PADI1: variants seen among roughly 807,000 people sequenced by gnomAD.
The protein encoded by PADI1 is protein-arginine deiminase type-1.
A neutral mutation model predicts 74.8 loss-of-function variants in PADI1; 65 were observed. That is an observed-to-expected ratio of 0.87 (90% CI 0.71 to 1.07). PADI1 has a LOEUF of 1.07. Ranked by LOEUF, PADI1 falls within the 50% of genes least tolerant of loss-of-function variation. The pLI is 0.00. For synonymous variants in PADI1, 371 were observed against 336.2 expected (o/e 1.10, Z -1.13); for missense variants, 943 against 854.0 (o/e 1.10, Z -1.30).
At chr1:17,214,899 T>C (rs2071933184) in intron 1 of PADI1, among the ~76,000 whole-genome samples, 1 of 152,244 alleles carries the variant, frequency 6.6e-6, no homozygotes, top group African/African-American at 2.4e-5. Context: ...TCACCCGGCA[T>C]AACCTGCCTT....
At chr1:17,237,016 G>C (rs548966352) in intron 11 of PADI1, among the ~76,000 whole-genome samples, 1 of 152,300 alleles carries the variant, frequency 6.6e-6, no homozygotes, top group South Asian at 2.1e-4. Flanking sequence ...GAGCTTGGCC[G>C]AGCACGCTTC....
At chr1:17,228,115 C>T (rs557729318) in intron 6 of PADI1, among the ~76,000 whole-genome samples, 3 of 152,106 alleles carry the variant, frequency 2.0e-5, no homozygotes, top group South Asian at 2.1e-4. Context: ...CTCAGCCTCC[C>T]GAGTAGCTGG....
At chr1:17,230,244 T>C (rs113806954) in intron 9 of PADI1, 36 bp downstream of exon 9, 3 of 1,600,008 alleles carry the variant, frequency 1.9e-6, no homozygotes, top group Non-Finnish European at 2.6e-6. Flanking sequence ...GCCTGCAGCC[T>C]GGCTTGGGGA....
At chr1:17,215,532 C>T (rs2071953733) in intron 1 of PADI1, among the ~76,000 whole-genome samples, 1 of 152,048 alleles carries the variant, frequency 6.6e-6, no homozygotes, top group Non-Finnish European at 1.5e-5. Context: ...TGTCTGGCAC[C>T]GGTGGTCCCT....
chr1:17,208,524 C>A (rs1458085052), intron 1 of PADI1, among the ~76,000 whole-genome samples: 5 of 47,332 alleles, frequency 1.1e-4, no homozygotes, highest in East Asian at 4.0e-4. Context: ...CCTTTCCACC[C>A]CCCACCCCAG....
intron 14 of PADI1, 22 bp from the exon 15 acceptor site, chr1:17,240,613 G>T: frequency 6.2e-7 from 1 of 1,612,628 alleles, no homozygotes; most frequent in Non-Finnish European, 8.5e-7. Context: ...GTCCTGGGCT[G>T]CCCAGCTGCC....
At chr1:17,209,272 C>G (rs2071771429) in intron 1 of PADI1, among the ~76,000 whole-genome samples, 1 of 152,176 alleles carries the variant, frequency 6.6e-6, no homozygotes, top group Non-Finnish European at 1.5e-5. Flanking sequence ...TGGACACATT[C>G]TCTGCTCCGT....
intron 1 of PADI1, among the ~76,000 whole-genome samples, chr1:17,216,681 G>A (rs754338723): frequency 8.5e-5 from 13 of 152,140 alleles, no homozygotes; most frequent in East Asian, 3.9e-4. Flanking sequence ...GACCAGCCTG[G>A]CCAACATGGC....
intron 9 of PADI1, 113 bp from the exon 10 acceptor site, chr1:17,230,459 A>G: frequency 1.3e-6 from 1 of 768,856 alleles, no homozygotes; most frequent in Non-Finnish European, 2.1e-6. Context: ...GCCCCTCACC[A>G]GGTCTTAGGG....
At chr1:17,215,029 T>C (rs2071937660) in intron 1 of PADI1, among the ~76,000 whole-genome samples, 1 of 152,244 alleles carries the variant, frequency 6.6e-6, no homozygotes, top group Non-Finnish European at 1.5e-5. Flanking sequence ...ATGGGGGTGA[T>C]GGGAACCAAG....
At chr1:17,225,033 G>A (rs1354949221) in intron 4 of PADI1, among the ~76,000 whole-genome samples, 1 of 152,210 alleles carries the variant, frequency 6.6e-6, no homozygotes, top group Non-Finnish European at 1.5e-5. Context: ...CACTGCACAA[G>A]ACTGCTTGGG....
intron 1 of PADI1, among the ~76,000 whole-genome samples, chr1:17,214,210 T>G (rs1055275725): frequency 6.6e-6 from 1 of 152,208 alleles, no homozygotes; most frequent in Non-Finnish European, 1.5e-5. Context: ...GTGTCCATTT[T>G]ACAGCGGAGG....
In PADI1 at chr1:17,244,037, C is replaced by T; in HGVS notation, c.1786C>T (p.Leu596=). 6.2e-7 allele frequency: 1 copy of T among 1,614,020 alleles called. No homozygotes were observed. The highest frequency in any genetic ancestry group is 8.5e-7 in the Non-Finnish European group (1 of 1,179,894). ...MVNMVVLGKY[L]GIPKPYGPII... ...TAACATGGTGGTCTTAGGCAAGTAC[C>T]TGGGCATCCCCAAGCCCTACGGGCC... is the stretch of plus-strand genomic sequence containing the variant. The change falls in exon 16 of 16, where the codon CTG becomes TTG. Residue 596 remains leucine, a synonymous_variant. Transcript: ENST00000375471.
At chr1:17,211,198 G>A (rs1324228806) in intron 1 of PADI1, among the ~76,000 whole-genome samples, 3 of 78,698 alleles carry the variant, frequency 3.8e-5, no homozygotes, top group Non-Finnish European at 9.0e-5. Context: ...TGGCAGCCCT[G>A]GTTTTTTGTT....
intron 1 of PADI1, among the ~76,000 whole-genome samples, chr1:17,213,133 A>G (rs2071877277): frequency 6.7e-6 from 1 of 149,108 alleles, no homozygotes; most frequent in Admixed American, 6.7e-5. Context: ...GACCTGAGTA[A>G]AGTTACTTAA....
intron 6 of PADI1, among the ~76,000 whole-genome samples, chr1:17,226,591 T>C (rs2072319128): frequency 1.3e-5 from 2 of 152,150 alleles, no homozygotes; most frequent in African/African-American, 4.8e-5. Flanking sequence ...AACCTGTCTT[T>C]CTCATCAGAG....
chr1:17,207,377 C>T (rs573168767), intron 1 of PADI1, among the ~76,000 whole-genome samples: 1 of 152,164 alleles, frequency 6.6e-6, no homozygotes, highest in Non-Finnish European at 1.5e-5. Flanking sequence ...TGGCTCCAGG[C>T]GTGGCTGGAG....
intron 13 of PADI1, among the ~76,000 whole-genome samples, chr1:17,239,232 G>A (rs1363027002): frequency 6.6e-6 from 1 of 152,144 alleles, no homozygotes; most frequent in Admixed American, 6.5e-5. Flanking sequence ...ATAGAGCATT[G>A]GAATGGATGT....
At chr1:17,205,353 A>T (rs2100374272) in intron 1 of PADI1, 44 bp downstream of exon 1, 1 of 1,509,460 alleles carries the variant, frequency 6.6e-7, no homozygotes, top group East Asian at 2.3e-5. Flanking sequence ...GAGCTGGGTT[A>T]GAGTGTAAGT....
Sources: allele counts gnomAD v4.1 joint callset (sites outside exome capture counted in the v4.1 genomes callset), GRCh38; gene constraint gnomAD v4.1.1; transcripts MANE v1.5; gene names NCBI Gene and HGNC (gene_info 2026-07-23, HGNC 2026-07-21).